SPIDR: variants seen among roughly 807,000 people sequenced by gnomAD.
SPIDR encodes the protein DNA repair-scaffolding protein.
A neutral mutation model predicts 104.6 loss-of-function variants in SPIDR; 93 were observed. The observed-to-expected ratio is 0.89, with a 90% CI of 0.75 to 1.06. The LOEUF is 1.06. SPIDR is among the 50% of genes least tolerant of loss of function. The pLI, the probability that SPIDR is intolerant of heterozygous loss-of-function variation, is 0.00. For missense variants in SPIDR, 1,154 were observed against 1,111.2 expected (o/e 1.04, Z -0.55); for synonymous variants, 431 against 416.9 (o/e 1.03, Z -0.41).
At chr8:47,496,566 C>T (rs2079471790) in intron 8 of SPIDR, among the ~76,000 whole-genome samples, 1 of 151,784 alleles carries the variant, frequency 6.6e-6, no homozygotes, top group Admixed American at 6.6e-5. Flanking sequence ...GTATATAATC[C>T]GTTTTATGTG....
At chr8:47,457,916 T>C (rs2073267764) in intron 8 of SPIDR, among the ~76,000 whole-genome samples, 1 of 152,224 alleles carries the variant, frequency 6.6e-6, no homozygotes, top group Non-Finnish European at 1.5e-5. Context: ...TATTTGGGTT[T>C]ATTTCTGGGT....
intron 5 of SPIDR, among the ~76,000 whole-genome samples, chr8:47,299,089 T>C (rs1485703030): frequency 2.0e-5 from 3 of 148,800 alleles, no homozygotes; most frequent in East Asian, 1.9e-4. Flanking sequence ...CCCATGAGCA[T>C]GGAATGTTCT....
At chr8:47,280,046 G>C in intron 2 of SPIDR, 29 bp downstream of exon 2, 2 of 1,602,292 alleles carry the variant, frequency 1.2e-6, no homozygotes, top group East Asian at 2.2e-5. Context: ...TGTTTTCCCT[G>C]AATGCCAAAG....
chr8:47,731,871 A>C (rs768564098), intron 19 of SPIDR, among the ~76,000 whole-genome samples: 4 of 152,228 alleles, frequency 2.6e-5, no homozygotes, highest in Non-Finnish European at 4.4e-5. Flanking sequence ...CAGGGAACAC[A>C]TCTTGATGGA....
At chr8:47,567,320 A>G (rs2057991680) in intron 8 of SPIDR, among the ~76,000 whole-genome samples, 1 of 151,956 alleles carries the variant, frequency 6.6e-6, no homozygotes, top group Admixed American at 6.6e-5. Flanking sequence ...CCCGGGTTCA[A>G]GCAATTCTCC....
At chr8:47,525,662 G>A (rs755900040) in intron 8 of SPIDR, among the ~76,000 whole-genome samples, 7 of 151,886 alleles carry the variant, frequency 4.6e-5, no homozygotes, top group South Asian at 2.1e-4. Context: ...TTAGCCAGAC[G>A]TGGTGGCATA....
intron 1 of SPIDR, among the ~76,000 whole-genome samples, chr8:47,262,404 A>G (rs1052434382): frequency 5.3e-5 from 8 of 152,150 alleles, no homozygotes; most frequent in African/African-American, 7.2e-5. Flanking sequence ...GTTCATAACA[A>G]ATGTTTATTA....
rs1554717789 is a variant in SPIDR, at chr8:47,466,948, G to GATAGAT, written c.1097+26409_1097+26410insGATATA. On this transcript the variant is annotated intron_variant, in intron 8 of 19. Coordinates refer to ENST00000297423, the MANE Select transcript of SPIDR (RefSeq NM_001080394.4). ...AGATAGATAGATAGATAGATAGATA[G>GATAGAT]ATATAAAAAATAGACTGCTAGCTAG... Among the ~76,000 whole-genome samples the GATAGAT allele has an allele frequency of 3.7e-5, 5 of 133,462 alleles. 1 individual carries two copies. Among genetic ancestry groups the GATAGAT allele is most frequent in the African/African-American group, 1.1e-4 (4 of 34,978 alleles). 87.6% of individuals were successfully genotyped at this position (133,462 alleles called of 152,430 possible). A position where few individuals can be genotyped will look rare whatever the true frequency, so the allele number is the denominator to read the frequency against.
chr8:47,571,448 GAAATA>G (rs1040296218), intron 8 of SPIDR, among the ~76,000 whole-genome samples: 1 of 151,742 alleles, frequency 6.6e-6, no homozygotes, highest in African/African-American at 2.4e-5. Flanking sequence ...GGGGGAGGAG[GAAATA>G]AAATAATAAT....
chr8:47,490,885 T>C (rs2078587991), intron 8 of SPIDR, among the ~76,000 whole-genome samples: 1 of 152,152 alleles, frequency 6.6e-6, no homozygotes, highest in Non-Finnish European at 1.5e-5. Flanking sequence ...TTATGAGATA[T>C]ACCTAATGTA....
intron 5 of SPIDR, among the ~76,000 whole-genome samples, chr8:47,304,733 C>A (rs1210386013): frequency 1.3e-5 from 2 of 152,098 alleles, no homozygotes; most frequent in African/African-American, 4.8e-5. Context: ...AGTTAAACCT[C>A]GTCTTTTATA....
intron 5 of SPIDR, among the ~76,000 whole-genome samples, chr8:47,381,393 G>C (rs1234205161): frequency 6.6e-6 from 1 of 152,192 alleles, no homozygotes; most frequent in Non-Finnish European, 1.5e-5. Context: ...TGTATCTTCT[G>C]TAGCATTTTT....
intron 11 of SPIDR, among the ~76,000 whole-genome samples, chr8:47,679,645 G>T (rs1019249753): frequency 6.6e-6 from 1 of 152,154 alleles, no homozygotes; most frequent in African/African-American, 2.4e-5. Flanking sequence ...CCCCTCCAGT[G>T]CTGGCCTGTG....
chr8:47,309,331 T>G (rs2043694912), intron 5 of SPIDR, among the ~76,000 whole-genome samples: 1 of 152,194 alleles, frequency 6.6e-6, no homozygotes, highest in African/African-American at 2.4e-5. Context: ...GGAGTCTGTA[T>G]TTTTTTACTG....
chr8:47,391,260 G>A (rs769708074), intron 5 of SPIDR, among the ~76,000 whole-genome samples: 9 of 152,096 alleles, frequency 5.9e-5, no homozygotes, highest in Non-Finnish European at 8.8e-5. Context: ...TACATGGGCC[G>A]GGTGCAGCAG....
At position 47,662,854 on chromosome 8, in the gene SPIDR, C is replaced by T. The variant is rs147015764; in HGVS notation, c.1545-10947C>T. 1.9e-3 allele frequency among the ~76,000 whole-genome samples: 287 copies of T among 152,266 alleles called. 1 individual carries two copies. The highest frequency in any genetic ancestry group is 6.6e-3 in the African/African-American group (274 of 41,544). On this transcript the variant is annotated intron_variant, in intron 10 of 19. Coordinates refer to ENST00000297423, the MANE Select transcript of SPIDR (RefSeq NM_001080394.4). The stretch of plus-strand genomic sequence containing the variant: ...GGCCCAAGAGAGTCATTGACCCTTC[C>T]GCTATAGGAGGTTGCTTTGAAAAGA...
At chr8:47,437,879 C>A (rs1445815538) in intron 7 of SPIDR, among the ~76,000 whole-genome samples, 4 of 152,142 alleles carry the variant, frequency 2.6e-5, no homozygotes, top group African/African-American at 9.7e-5. Flanking sequence ...CCCAGCCATC[C>A]CATTACTGGA....
intron 10 of SPIDR, among the ~76,000 whole-genome samples, chr8:47,601,573 A>G (rs1013320125): frequency 1.3e-5 from 2 of 152,250 alleles, no homozygotes; most frequent in African/African-American, 2.4e-5. Flanking sequence ...GCGTGCCTGC[A>G]GTCCCAGCTA....
intron 1 of SPIDR, among the ~76,000 whole-genome samples, chr8:47,264,047 G>A (rs1209488543): frequency 6.6e-6 from 1 of 152,196 alleles, no homozygotes; most frequent in Non-Finnish European, 1.5e-5. Flanking sequence ...AAGTATTCCA[G>A]GTGTGAAGAA....
Sources: allele counts gnomAD v4.1 joint callset (sites outside exome capture counted in the v4.1 genomes callset), GRCh38; gene constraint gnomAD v4.1.1; transcripts MANE v1.5; gene names NCBI Gene and HGNC (gene_info 2026-07-23, HGNC 2026-07-21).